CELF2: variants seen among roughly 807,000 people sequenced by gnomAD.
The protein encoded by CELF2 is CUG triplet repeat RNA-binding protein 2.
Under a neutral mutation model 62.6 loss-of-function variants are expected in CELF2, and 8 were observed. The observed-to-expected ratio is 0.13, with a 90% CI of 0.07 to 0.23. CELF2 has a LOEUF of 0.23. Among genes scored for constraint, CELF2 ranks in the 10% least tolerant of loss-of-function variants. The pLI is 1.00. For missense variants in CELF2, 333 were observed against 671.0 expected (o/e 0.50, Z 5.56); for synonymous variants, 258 against 250.0 (o/e 1.03, Z -0.30).
intron 1 of CELF2, among the ~76,000 whole-genome samples, chr10:11,116,772 T>C (rs998587231): frequency 6.6e-6 from 1 of 152,192 alleles, no homozygotes; most frequent in Admixed American, 6.5e-5. Flanking sequence ...TTAGGTAGCG[T>C]CTATTAAAAA....
chr10:11,035,431 C>T (rs533661000), intron 1 of CELF2, among the ~76,000 whole-genome samples: 9 of 152,094 alleles, frequency 5.9e-5, no homozygotes, highest in African/African-American at 9.7e-5. Context: ...AACTTTTCCC[C>T]GTTCTGGAAA....
intron 2 of CELF2, among the ~76,000 whole-genome samples, chr10:11,166,181 C>G (rs2067108611): frequency 6.6e-6 from 1 of 152,182 alleles, no homozygotes; most frequent in African/African-American, 2.4e-5. Flanking sequence ...AAAAGGCTCC[C>G]CTGAAGAAGG....
At chr10:10,832,149 T>A (rs1435441755) in intron 1 of CELF2, among the ~76,000 whole-genome samples, 1 of 150,032 alleles carries the variant, frequency 6.7e-6, no homozygotes, top group East Asian at 1.9e-4. Flanking sequence ...GTGCCTGTAG[T>A]CCCAGCCAGT....
the CELF2 span, among the ~76,000 whole-genome samples, chr10:10,465,596 C>G: frequency 6.6e-6 from 1 of 152,018 alleles, no homozygotes; most frequent in Non-Finnish European, 1.5e-5. Context: ...GGGCAGGAAG[C>G]GCTGAATGGG....
In CELF2 at chr10:10,902,932, C is replaced by T. The variant is rs1405469585; in HGVS notation, c.54-17032C>T. Among the ~76,000 whole-genome samples the T allele has an allele frequency of 1.4e-4, 11 of 80,060 alleles. 1 individual carries two copies. Among genetic ancestry groups the T allele is most frequent in the East Asian group, 8.7e-4 (2 of 2,300 alleles). The allele number at this position is 80,060 out of a possible 152,430, so 52.5% of individuals were successfully genotyped here. On this transcript the variant is annotated intron_variant, in intron 1 of 13. Coordinates refer to the CELF2 transcript ENST00000636488. The stretch of plus-strand genomic sequence containing the variant: ...GGGAGAAGAGGGAGGGAGGGAAAAG[C>T]GGGAGGAAGGAAGGGAGGGAGGGAG...
At chr10:11,317,695 G>A (rs1343502207) in intron 10 of CELF2, 6 of 152,248 alleles carry the variant, frequency 3.9e-5, no homozygotes, top group African/African-American at 9.6e-5. Flanking sequence ...TCACGCTCAT[G>A]TTTATGGGTT....
chr10:10,713,484 C>T, the CELF2 span, among the ~76,000 whole-genome samples: 1 of 152,162 alleles, frequency 6.6e-6, no homozygotes, highest in Admixed American at 6.5e-5. Flanking sequence ...AAGGCAACTG[C>T]CTGGTTGTGT....
the CELF2 span, among the ~76,000 whole-genome samples, chr10:10,580,825 T>C: frequency 2.6e-5 from 4 of 152,192 alleles, no homozygotes; most frequent in Non-Finnish European, 5.9e-5. Flanking sequence ...TCAATAAATA[T>C]TTACTGTATG....
At chr10:11,230,947 A>G (rs1015192890) in intron 3 of CELF2, among the ~76,000 whole-genome samples, 9 of 152,344 alleles carry the variant, frequency 5.9e-5, no homozygotes, top group African/African-American at 2.2e-4. Flanking sequence ...GTTACCAGGA[A>G]AGCAAAGCAT....
At chr10:10,821,268 G>A (rs997344099) in intron 1 of CELF2, among the ~76,000 whole-genome samples, 10 of 152,154 alleles carry the variant, frequency 6.6e-5, no homozygotes, top group African/African-American at 1.9e-4. Flanking sequence ...CCAAGGGAAT[G>A]GCTGGAGAAA....
chr10:11,055,267 G>A (rs1379326047), intron 1 of CELF2, among the ~76,000 whole-genome samples: 12 of 152,208 alleles, frequency 7.9e-5, no homozygotes, highest in Non-Finnish European at 1.8e-4. Flanking sequence ...CAGATAGGTA[G>A]ACTATACCTT....
At chr10:11,233,659 G>A (rs377118505) in intron 3 of CELF2, among the ~76,000 whole-genome samples, 7 of 152,270 alleles carry the variant, frequency 4.6e-5, no homozygotes, top group East Asian at 3.9e-4. Context: ...AAAGCCAAAC[G>A]CAAGAAATGG....
chr10:10,951,982 C>T (rs921758841), intron 2 of CELF2: 2 of 152,280 alleles, frequency 1.3e-5, no homozygotes, highest in Non-Finnish European at 2.9e-5. Flanking sequence ...TGGGATTGGC[C>T]GAGAGGCCAC....
intron 2 of CELF2, among the ~76,000 whole-genome samples, chr10:10,964,955 A>T (rs17149183): frequency 0.014 from 2,170 of 152,226 alleles, 51 homozygotes; most frequent in African/African-American, 0.05. Flanking sequence ...CTTAGCCCTC[A>T]CGGTGGTAAT....
At chr10:10,515,995 A>AGCTC in the CELF2 span, among the ~76,000 whole-genome samples, 1 of 152,184 alleles carries the variant, frequency 6.6e-6, no homozygotes, top group Non-Finnish European at 1.5e-5. Flanking sequence ...AGTAATAACC[A>AGCTC]GCTCGGGTGA....
the CELF2 span, among the ~76,000 whole-genome samples, chr10:10,555,946 G>A: frequency 3.3e-5 from 5 of 152,026 alleles, no homozygotes; most frequent in East Asian, 3.8e-4. Flanking sequence ...GGATAGATAC[G>A]TATATTACAT....
intron 1 of CELF2, among the ~76,000 whole-genome samples, chr10:11,124,009 G>A (rs928503105): frequency 6.6e-6 from 1 of 152,182 alleles, no homozygotes; most frequent in South Asian, 2.1e-4. Flanking sequence ...TGAATGAGGA[G>A]CAAAGTCACG....
At chr10:10,927,346 T>TAAAAAAAAAAAAAAAAAAAAAAAAA (rs34283995) in intron 2 of CELF2, 1 of 85,864 alleles carries the variant, frequency 1.2e-5, no homozygotes, top group Non-Finnish European at 2.0e-5. Context: ...CTAGTGACAT[T>TAAAAAAAAAAAAAAAAAAAAAAAAA]AAAAAAAAAA....
chr10:10,923,406 A>G (rs149758472), intron 2 of CELF2, among the ~76,000 whole-genome samples: 26 of 152,344 alleles, frequency 1.7e-4, no homozygotes, highest in Admixed American at 3.3e-4. Flanking sequence ...TTTCCACCGT[A>G]ATTACCTTAC....
Sources: gnomAD v4.1 joint callset for allele counts (sites outside exome capture counted in the v4.1 genomes callset) on GRCh38, gnomAD v4.1.1 for gene constraint, MANE v1.5 for transcripts, NCBI Gene and HGNC (gene_info 2026-07-23, HGNC 2026-07-21) for gene names.